The following VRTN variants were observed in gnomAD, a reference collection of about 807,000 sequenced individuals.
The protein encoded by VRTN is vertnin.
VRTN carries 5 observed loss-of-function variants against 18.2 expected under a neutral mutation model. The ratio of observed to expected loss-of-function variants is 0.27; its 90% confidence interval spans 0.14 to 0.58. The LOEUF (loss-of-function observed/expected upper bound fraction) is 0.58, where lower values mean the gene tolerates loss of function less well. Among genes scored for constraint, VRTN ranks in the 20% least tolerant of loss-of-function variants. The pLI, the probability that VRTN is intolerant of heterozygous loss-of-function variation, is 0.91. For missense variants in VRTN, 741 were observed against 939.4 expected, an observed-to-expected ratio of 0.79 and a Z score of 2.76; for synonymous variants, 381 against 393.7, an observed-to-expected ratio of 0.97 and a Z score of 0.38.
At chr14:74,303,927 C>T (rs1360313020) in intron 1 of VRTN, among the ~76,000 whole-genome samples, 3 of 147,408 alleles carry the variant, frequency 2.0e-5, no homozygotes, top group Non-Finnish European at 3.0e-5. Flanking sequence ...TATCGGCTCA[C>T]GGCAACCTCA....
At chr14:74,321,032 T>A (rs990596374) in intron 1 of VRTN, among the ~76,000 whole-genome samples, 6 of 151,810 alleles carry the variant, frequency 4.0e-5, no homozygotes, top group African/African-American at 1.5e-4. Flanking sequence ...AGTTTATCAG[T>A]GGCCTTGACA....
intron 1 of VRTN, among the ~76,000 whole-genome samples, chr14:74,311,549 A>G (rs1425927803): frequency 1.3e-5 from 2 of 151,330 alleles, no homozygotes; most frequent in Non-Finnish European, 2.9e-5. Flanking sequence ...AGCTGGGATT[A>G]CAGGCATGCT....
At chr14:74,349,185 GCCACTAC>G (rs1485482115) in intron 1 of VRTN, among the ~76,000 whole-genome samples, 3 of 152,334 alleles carry the variant, frequency 2.0e-5, no homozygotes, top group Non-Finnish European at 4.4e-5. Context: ...CCAAGGTGCA[GCCACTAC>G]CCTTGGTGGT....
intron 1 of VRTN, among the ~76,000 whole-genome samples, chr14:74,331,860 C>T (rs1385829558): frequency 1.3e-5 from 2 of 151,858 alleles, no homozygotes; most frequent in Non-Finnish European, 2.9e-5. Flanking sequence ...TGTTCAACTC[C>T]AAATTCCGTA....
At chr14:74,320,056 G>A (rs2085443265) in intron 1 of VRTN, among the ~76,000 whole-genome samples, 1 of 152,048 alleles carries the variant, frequency 6.6e-6, no homozygotes, top group Non-Finnish European at 1.5e-5. Context: ...GCAACATAGT[G>A]AGACCTCCCT....
chr14:74,356,732 C>G, intron 1 of VRTN, 51 bp from the exon 2 acceptor site: 1 of 1,524,100 alleles, frequency 6.6e-7, no homozygotes, highest in Non-Finnish European at 8.8e-7. Flanking sequence ...TGCTAGTCAT[C>G]ATCTGGGCAC....
intron 1 of VRTN, among the ~76,000 whole-genome samples, chr14:74,324,155 G>A (rs569932256): frequency 2.0e-5 from 3 of 152,100 alleles, no homozygotes; most frequent in African/African-American, 7.2e-5. Context: ...TTGAGAGGCC[G>A]AGGCAGGCGG....
intron 1 of VRTN, among the ~76,000 whole-genome samples, chr14:74,328,163 G>A (rs1438698068): frequency 1.3e-5 from 2 of 152,164 alleles, no homozygotes; most frequent in Non-Finnish European, 1.5e-5. Flanking sequence ...CCTGGGTTAT[G>A]AGCCAATATA....
intron 1 of VRTN, among the ~76,000 whole-genome samples, chr14:74,356,314 G>T (rs1239919842): frequency 6.6e-6 from 1 of 152,064 alleles, no homozygotes; most frequent in Non-Finnish European, 1.5e-5. Flanking sequence ...CTCCAGAGTA[G>T]CTGGGATTAC....
At chr14:74,330,433 G>A (rs2085513945) in intron 1 of VRTN, among the ~76,000 whole-genome samples, 1 of 141,190 alleles carries the variant, frequency 7.1e-6, no homozygotes, top group African/African-American at 2.8e-5. Context: ...GCCCTTAGCA[G>A]TATCAAACTT....
chr14:74,357,611 T>A lies in VRTN; in HGVS notation c.828T>A (p.Arg276=), dbSNP rs1269831483. The A allele has an allele frequency of 6.2e-7, 1 of 1,614,004 alleles. No individual in the cohort carries two copies. Among genetic ancestry groups the A allele is most frequent in the Admixed American group, 1.7e-5 (1 of 60,022 alleles). ...CCAAGACCCTGGAGCTGCTCAACCG[T>A]GAACCTGGCCTCAGCTACTCTCACC... ...SPAKTLELLN[R]EPGLSYSHLC... is the part of the protein sequence containing the mutation. The change falls in exon 2 of 2, where the codon CGT becomes CGA. Residue 276 remains arginine, a synonymous_variant. Coordinates refer to ENST00000256362, the MANE Select transcript of VRTN (RefSeq NM_018228.3). The surrounding 1 kb of genome is among the most constrained non-coding windows in gnomAD (Gnocchi z 7.8).
At chr14:74,307,761 C>T (rs748251219) in intron 1 of VRTN, among the ~76,000 whole-genome samples, 30 of 151,738 alleles carry the variant, frequency 2.0e-4, no homozygotes, top group African/African-American at 7.3e-4. Context: ...GATGGAGTCT[C>T]GCTCTGTTGC....
intron 1 of VRTN, among the ~76,000 whole-genome samples, chr14:74,336,197 C>G (rs1281076381): frequency 2.0e-5 from 3 of 151,640 alleles, no homozygotes; most frequent in Non-Finnish European, 4.4e-5. Context: ...CACCTGAGGT[C>G]AGGAGTTTGA....
chr14:74,343,972 AT>A (rs2085625143), upstream of VRTN, among the ~76,000 whole-genome samples: 1 of 150,362 alleles, frequency 6.7e-6, no homozygotes, highest in Admixed American at 6.7e-5. Flanking sequence ...ATTTTTTTGT[AT>A]TTTTGTAGAT....
At chr14:74,341,266 A>G (rs1320074293) in intron 2 of VRTN, among the ~76,000 whole-genome samples, 1 of 152,174 alleles carries the variant, frequency 6.6e-6, no homozygotes, top group Non-Finnish European at 1.5e-5. Context: ...ATCATTTTCT[A>G]AGAGAGCAAT....
At chr14:74,336,610 G>A (rs922303587) in intron 1 of VRTN, among the ~76,000 whole-genome samples, 5 of 152,008 alleles carry the variant, frequency 3.3e-5, no homozygotes, top group African/African-American at 1.2e-4. Context: ...ATCTTTCTGG[G>A]TTAGTTCCCA....
intron 2 of VRTN, among the ~76,000 whole-genome samples, chr14:74,340,263 C>A (rs1362158269): frequency 6.6e-6 from 1 of 152,196 alleles, no homozygotes; most frequent in Non-Finnish European, 1.5e-5. Context: ...TAGGCATGTG[C>A]CACCACGCCC....
rs1293149415 is a variant in VRTN at position 74,358,644 on chromosome 14, A to C, written c.1861A>C (p.Ser621Arg). ...GGCCACAGCCCAGGGCCAGCCCCAC[A>C]GTGGGCCCTTGCTGAGCCAACCTGT... is the stretch of plus-strand genomic sequence containing the variant. ...EGATAQGQPHSGPLLSQPVVA... is the reference protein window; with the variant it reads ...EGATAQGQPHRGPLLSQPVVA... The change falls in exon 2 of 2, where the codon AGT (serine) becomes CGT (arginine). Residue 621 changes from serine to arginine, a missense_variant. Physicochemically the swap from Ser to Arg is moderately radical, Grantham distance 110. Coordinates refer to ENST00000256362, the MANE Select transcript of VRTN (RefSeq NM_018228.3). This position sits in a 1 kb window ranked among gnomAD's most constrained non-coding sequence, Gnocchi z 5.4. The C allele has an allele frequency of 6.2e-7, 1 of 1,609,982 alleles. No homozygotes were observed. Among genetic ancestry groups the C allele is most frequent in the Non-Finnish European group, 8.5e-7 (1 of 1,177,816 alleles).
At chr14:74,303,156 C>G (rs935571070) in exon 1 of VRTN, 1 of 430,746 alleles carries the variant, frequency 2.3e-6, no homozygotes, top group Non-Finnish European at 4.1e-6. Context: ...AATAGGTATC[C>G]GAGAGTGTAA....
Sources: allele counts gnomAD v4.1 joint callset (sites outside exome capture counted in the v4.1 genomes callset), GRCh38; gene constraint gnomAD v4.1.1; non-coding constraint Gnocchi (gnomAD v3.1); transcripts MANE v1.5; gene names NCBI Gene and HGNC (gene_info 2026-07-23, HGNC 2026-07-21).